The following LRRC56 variants were observed in gnomAD, a reference collection of about 807,000 sequenced individuals.
The protein encoded by LRRC56 is leucine-rich repeat-containing protein 56.
In LRRC56, 41 loss-of-function variants were observed where a neutral mutation model predicts 47.8. The ratio of observed to expected loss-of-function variants is 0.86; its 90% CI spans 0.67 to 1.11. The LOEUF (loss-of-function observed/expected upper bound fraction) is 1.11, where lower values mean the gene tolerates loss of function less well. LRRC56 is among the 50% of genes most tolerant of loss of function. The pLI, the probability that LRRC56 is intolerant of heterozygous loss-of-function variation, is 0.00. For synonymous variants in LRRC56, 387 were observed against 311.2 expected (o/e 1.24, Z -2.56); for missense variants, 759 against 704.2 (o/e 1.08, Z -0.88).
Position 551,640 on chromosome 11 carries a change from A to G in LRRC56, c.797-11A>G. 1.9e-6 allele frequency: 3 copies of G among 1,545,624 alleles called. No individual in the cohort carries two copies. Among genetic ancestry groups the G allele is most frequent in the Non-Finnish European group, 2.6e-6 (3 of 1,146,724 alleles). On this transcript the variant is annotated splice_polypyrimidine_tract_variant and intron_variant, in intron 9 of 13. Transcript: ENST00000270115. ...GGGCCTTGGTGACCTCTGCTTCTGA[A>G]CCTCGGGCAGACTGTCCCCGTGGAG...
rs1851760533 is a variant in LRRC56 at position 540,835 on chromosome 11, G to A, written c.151G>A (p.Glu51Lys). ...QRDRLGEQLV[E>K]EYLSPARLQA... Reference sequence around the variant, plus strand: ...GGACAGACTTGGAGAGCAGCTGGTGGAAGAGTACCTGTCCCCTGCCCGGCT... The same window carrying A: ...GGACAGACTTGGAGAGCAGCTGGTGAAAGAGTACCTGTCCCCTGCCCGGCT... The change falls in exon 4 of 14, where the codon GAA becomes AAA. Residue 51 changes from glutamate (E) to lysine (K), a missense_variant. Physicochemically the swap from Glu to Lys is moderately conservative, Grantham distance 56. Coordinates refer to ENST00000270115, the MANE Select transcript of LRRC56 (RefSeq NM_198075.4). 2 of 1,581,982 alleles carry A rather than the reference G, an allele frequency of 1.3e-6. No homozygotes were observed. Among genetic ancestry groups the A allele is most frequent in the Non-Finnish European group, 1.7e-6 (2 of 1,164,600 alleles).
At chr11:521,561 A>G in the LRRC56 span, among the ~76,000 whole-genome samples, 1 of 151,832 alleles carries the variant, frequency 6.6e-6, no homozygotes, top group Non-Finnish European at 1.5e-5. Flanking sequence ...GCCCACCTCA[A>G]CCTCTCAAAG....
intron 1 of LRRC56, among the ~76,000 whole-genome samples, chr11:538,026 C>T (rs189720458): frequency 2.6e-5 from 4 of 152,240 alleles, no homozygotes; most frequent in Admixed American, 1.3e-4. Context: ...CCCCCAGTTA[C>T]CAATTTGGGG....
upstream of LRRC56, chr11:534,547 G>A (rs1379111991): frequency 1.0e-5 from 6 of 594,228 alleles, no homozygotes; most frequent in Non-Finnish European, 1.8e-5. Context: ...CGTGCGGGAG[G>A]GCTGTCGCCT....
chr11:540,797 C>A lies in LRRC56; in HGVS notation c.113C>A (p.Pro38His). ...AACCCCTGCCCACAGAGCAAGGGCC[C>A]TGGCAGTCAGAGGGACAGACTTGGA... Reference protein sequence around the residue: ...LHNPCPQSKGPGSQRDRLGEQ... With the variant: ...LHNPCPQSKGHGSQRDRLGEQ... The change falls in exon 4 of 14, where the codon CCT becomes CAT. Residue 38 changes from proline to histidine, a missense_variant. By Grantham distance (77) the Pro-to-His change is moderately conservative. Transcript: ENST00000270115. 1 of 1,605,156 alleles carries A rather than the reference C, an allele frequency of 6.2e-7. No individual in the cohort carries two copies.
chr11:513,820 C>CAAAAA, the LRRC56 span, among the ~76,000 whole-genome samples: 2 of 96,230 alleles, frequency 2.1e-5, no homozygotes, highest in Non-Finnish European at 4.3e-5. Flanking sequence ...AACTCCATCT[C>CAAAAA]AAAAAAAAAA....
upstream of LRRC56, chr11:532,878 C>G (rs1851192998): frequency 7.5e-6 from 7 of 931,796 alleles, no homozygotes; most frequent in Admixed American, 1.3e-4. Context: ...AGCCACTTCC[C>G]CAGGCCCACC....
chr11:546,008 C>T (rs1339012780), intron 6 of LRRC56, among the ~76,000 whole-genome samples: 6 of 152,228 alleles, frequency 3.9e-5, no homozygotes, highest in African/African-American at 7.2e-5. Flanking sequence ...CGGTGTCTCA[C>T]GCCTATAATC....
At chr11:512,024 A>T in the LRRC56 span, among the ~76,000 whole-genome samples, 1 of 151,710 alleles carries the variant, frequency 6.6e-6, no homozygotes, top group African/African-American at 2.4e-5. Flanking sequence ...GCTCACTGCA[A>T]CCTCCGCCTC....
At chr11:533,326 C>A, upstream of LRRC56, 1 of 1,604,132 alleles carries the variant, frequency 6.2e-7, no homozygotes. Context: ...CCCAGAGGGT[C>A]CCGGAGCTGG....
rs186942710 is a variant in LRRC56 at position 548,754 on chromosome 11, G to A, written c.327-1148G>A. Among the ~76,000 whole-genome samples, 35 of 152,296 alleles carry A rather than the reference G, an allele frequency of 2.3e-4. No individual in the cohort carries two copies. The East Asian group carries it at 4.4e-3, about 19-fold the overall frequency. ...ATGACAGGCGTGAACCACCGCGCCC[G>A]GCCTCAAGTGGTTTTTTAAGGACAG... On this transcript the variant is annotated intron_variant, in intron 6 of 13. Transcript: ENST00000270115.
chr11:528,101 G>A, the LRRC56 span, among the ~76,000 whole-genome samples: 12 of 152,228 alleles, frequency 7.9e-5, no homozygotes, highest in Admixed American at 3.3e-4. Context: ...CTCCCAAAGT[G>A]CTGGGATTAC....
chr11:519,183 G>C, the LRRC56 span, among the ~76,000 whole-genome samples: 1 of 152,236 alleles, frequency 6.6e-6, no homozygotes, highest in South Asian at 2.1e-4. Flanking sequence ...ATCACCCGCA[G>C]TTCACCCCTG....
rs1454621377 is a variant in LRRC56 at position 554,386 on chromosome 11, C to T, written c.*110C>T. 9.9e-7 allele frequency: 1 copy of T among 1,012,152 alleles called. No homozygotes were observed. The highest frequency in any genetic ancestry group is 1.3e-6 in the Non-Finnish European group (1 of 750,248). 62.7% of individuals were successfully genotyped at this position (1,012,152 alleles called of 1,614,324 possible). ...GTGTGTTGGGGGGTGGAAGGAGTGC[C>T]TGGCCCTGGGGAGGACCCTCTTGGT... On this transcript the variant is annotated 3_prime_UTR_variant, in exon 14 of 14. Coordinates refer to ENST00000270115, the MANE Select transcript of LRRC56 (RefSeq NM_198075.4).
intron 6 of LRRC56, among the ~76,000 whole-genome samples, chr11:547,460 C>G (rs1340915523): frequency 6.6e-6 from 1 of 151,856 alleles, no homozygotes; most frequent in African/African-American, 2.4e-5. Flanking sequence ...TCACGCCATT[C>G]CCCTGCCTCA....
In LRRC56 at chr11:552,596, C is replaced by T. The variant is rs1333941300; in HGVS notation, c.1209C>T (p.Ser403=). Residue 403 remains serine (S), a synonymous_variant, in exon 13 of 14, where the codon TCC becomes TCT. Transcript: ENST00000270115. ...CCCTCCCCTATAGGCACCCGGAGTC[C>T]CAACAGGAAGGGGCTGTAGCCCCCT... The part of the protein sequence containing the change: ...VRPLPYRHPE[S]QQEGAVAPWG... 1 of 1,609,014 alleles carries T rather than the reference C, an allele frequency of 6.2e-7. No homozygotes were observed. Among genetic ancestry groups the T allele is most frequent in the Non-Finnish European group, 8.5e-7 (1 of 1,178,228 alleles).
the LRRC56 span, among the ~76,000 whole-genome samples, chr11:516,625 C>A: frequency 3.3e-5 from 5 of 152,050 alleles, no homozygotes; most frequent in East Asian, 9.7e-4. Context: ...CAATGGAATT[C>A]ACCATATAAG....
At chr11:521,414 C>T in the LRRC56 span, among the ~76,000 whole-genome samples, 2 of 152,084 alleles carry the variant, frequency 1.3e-5, no homozygotes, top group Non-Finnish European at 2.9e-5. Flanking sequence ...GCTCAAGCAA[C>T]CCTCCTGCCT....
At chr11:518,750 G>A in the LRRC56 span, among the ~76,000 whole-genome samples, 1 of 152,196 alleles carries the variant, frequency 6.6e-6, no homozygotes, top group African/African-American at 2.4e-5. Context: ...CCCAGGAGCC[G>A]GCCCCGGGCT....
Sources: gnomAD v4.1 joint callset for allele counts (sites outside exome capture counted in the v4.1 genomes callset) on GRCh38, gnomAD v4.1.1 for gene constraint, MANE v1.5 for transcripts, NCBI Gene and HGNC (gene_info 2026-07-23, HGNC 2026-07-21) for gene names.